The following SEMA5A variants were observed in gnomAD, a reference collection of about 807,000 sequenced individuals.
SEMA5A encodes the protein semaphorin 5A.
SEMA5A carries 55 observed loss-of-function variants against 135.5 expected under a neutral mutation model. That is an observed-to-expected ratio of 0.41 (90% confidence interval 0.33 to 0.51). The LOEUF is 0.51. Ranked by LOEUF, SEMA5A falls within the 20% of genes least tolerant of loss-of-function variation. SEMA5A has a pLI of 0.37. For missense variants in SEMA5A, 1,290 were observed against 1,419.9 expected, an observed-to-expected ratio of 0.91 and a Z score of 1.47; for synonymous variants, 580 against 546.5, an observed-to-expected ratio of 1.06 and a Z score of -0.85.
At chr5:9,379,678 G>T in intron 3 of SEMA5A, 145 bp downstream of exon 3, 3 of 986,174 alleles carry the variant, frequency 3.0e-6, no homozygotes, top group South Asian at 1.9e-5. Flanking sequence ...AGAGGCTTTT[G>T]TAGTTTTACC....
intron 5 of SEMA5A, among the ~76,000 whole-genome samples, chr5:9,306,987 T>A (rs992685491): frequency 2.0e-4 from 30 of 152,218 alleles, no homozygotes; most frequent in African/African-American, 7.2e-4. Flanking sequence ...CAAAATTACA[T>A]GTATAGTCAT....
chr5:9,448,695 T>C (rs1758522751), intron 1 of SEMA5A, among the ~76,000 whole-genome samples: 1 of 152,264 alleles, frequency 6.6e-6, no homozygotes, highest in East Asian at 1.9e-4. Flanking sequence ...TTTTATCTTA[T>C]TGGCTTGACT....
At chr5:9,054,599 C>T (rs1303309842) in intron 18 of SEMA5A, among the ~76,000 whole-genome samples, 1 of 152,168 alleles carries the variant, frequency 6.6e-6, no homozygotes, top group East Asian at 1.9e-4. Flanking sequence ...GTAATTCCAG[C>T]CCCTGAGAAC....
intron 8 of SEMA5A, among the ~76,000 whole-genome samples, chr5:9,218,303 A>T (rs998985395): frequency 1.3e-5 from 2 of 152,208 alleles, no homozygotes; most frequent in Admixed American, 6.5e-5. Context: ...AAACAAGCAC[A>T]GGCACTGTCC....
chr5:9,110,921 G>A (rs937440449), intron 15 of SEMA5A, among the ~76,000 whole-genome samples: 5 of 152,112 alleles, frequency 3.3e-5, no homozygotes, highest in Non-Finnish European at 4.4e-5. Flanking sequence ...CTAATTAAGA[G>A]ATCATGGCCT....
At chr5:9,477,295 T>C (rs1759704638) in intron 1 of SEMA5A, among the ~76,000 whole-genome samples, 1 of 152,166 alleles carries the variant, frequency 6.6e-6, no homozygotes, top group South Asian at 2.1e-4. Flanking sequence ...AACAGGAATG[T>C]AATGTAATAC....
chr5:9,360,349 T>C (rs867466254), intron 3 of SEMA5A, among the ~76,000 whole-genome samples: 1 of 152,184 alleles, frequency 6.6e-6, no homozygotes, highest in Non-Finnish European at 1.5e-5. Context: ...AAAAGAGACA[T>C]TTTAATAGTC....
chr5:9,283,337 T>C (rs901197217), intron 5 of SEMA5A, among the ~76,000 whole-genome samples: 2 of 152,106 alleles, frequency 1.3e-5, no homozygotes, highest in Admixed American at 6.5e-5. Flanking sequence ...GCTGGAAAAA[T>C]TCAGTTCTTT....
chr5:9,433,677 A>G (rs1418112855), intron 2 of SEMA5A, among the ~76,000 whole-genome samples: 1 of 151,904 alleles, frequency 6.6e-6, no homozygotes, highest in Admixed American at 6.6e-5. Flanking sequence ...AAAAAAAATT[A>G]GCAAAGAAAC....
intron 10 of SEMA5A, among the ~76,000 whole-genome samples, chr5:9,192,702 A>G (rs761353101): frequency 6.6e-6 from 1 of 152,230 alleles, no homozygotes; most frequent in African/African-American, 2.4e-5. Context: ...GAGCTCTACT[A>G]GGCTTGATCT....
chr5:9,267,129 T>C (rs757192588), intron 5 of SEMA5A, among the ~76,000 whole-genome samples: 32 of 151,452 alleles, frequency 2.1e-4, no homozygotes, highest in Non-Finnish European at 4.4e-5. Context: ...TGAGTCCACA[T>C]TGCAAACAGC....
chr5:9,536,825 A>G (rs908075304), intron 1 of SEMA5A, among the ~76,000 whole-genome samples: 33 of 152,316 alleles, frequency 2.2e-4, no homozygotes, highest in Admixed American at 9.2e-4. Context: ...TCAAGCTTCA[A>G]TGAAGTTTCT....
At chr5:9,048,391 A>C (rs1314514377) in intron 21 of SEMA5A, among the ~76,000 whole-genome samples, 2 of 152,312 alleles carry the variant, frequency 1.3e-5, no homozygotes, top group Middle Eastern at 3.4e-3. Flanking sequence ...TTCCTTTTCT[A>C]TAATTCCCAA....
intron 5 of SEMA5A, among the ~76,000 whole-genome samples, chr5:9,278,070 A>T (rs140020447): frequency 6.6e-6 from 1 of 152,114 alleles, no homozygotes; most frequent in African/African-American, 2.4e-5. Flanking sequence ...AGTAGTTTTA[A>T]AATCAGCCGT....
chr5:9,314,657 C>T (rs1325288125), intron 5 of SEMA5A, among the ~76,000 whole-genome samples: 1 of 151,688 alleles, frequency 6.6e-6, no homozygotes, highest in Non-Finnish European at 1.5e-5. Flanking sequence ...ATAAAATATT[C>T]ATAGAAACCA....
At chr5:9,266,995 T>C (rs906554025) in intron 5 of SEMA5A, among the ~76,000 whole-genome samples, 6 of 152,194 alleles carry the variant, frequency 3.9e-5, no homozygotes, top group Non-Finnish European at 7.3e-5. Context: ...AATCCCATTG[T>C]ACAGATTAGA....
chr5:9,515,346 C>A (rs1318681267), intron 1 of SEMA5A, among the ~76,000 whole-genome samples: 3 of 152,284 alleles, frequency 2.0e-5, no homozygotes, highest in South Asian at 2.1e-4. Flanking sequence ...GTAAGTCCAA[C>A]CATCTGAAGG....
chr5:9,429,513 T>G (rs1301886245), intron 2 of SEMA5A, among the ~76,000 whole-genome samples: 1 of 152,160 alleles, frequency 6.6e-6, no homozygotes, highest in Non-Finnish European at 1.5e-5. Flanking sequence ...AAATATCTCA[T>G]GTATCAGACA....
intron 2 of SEMA5A, among the ~76,000 whole-genome samples, chr5:9,426,432 T>TA (rs1554034269): frequency 2.5e-5 from 3 of 121,054 alleles, no homozygotes; most frequent in African/African-American, 9.5e-5. Context: ...CTCAAAAAAA[T>TA]AAATAAAATA....
Sources: allele counts gnomAD v4.1 joint callset (sites outside exome capture counted in the v4.1 genomes callset), GRCh38; gene constraint gnomAD v4.1.1; transcripts MANE v1.5; gene names NCBI Gene and HGNC (gene_info 2026-07-23, HGNC 2026-07-21).